CLCA4: variants seen among roughly 807,000 people sequenced by gnomAD.
CLCA4 encodes the protein chloride channel accessory 4, also known as calcium-activated chloride channel regulator 4.
A neutral mutation model predicts 78.9 loss-of-function variants in CLCA4; 69 were observed. The ratio of observed to expected loss-of-function variants is 0.87; its 90% CI spans 0.72 to 1.07. The LOEUF is 1.07. Among genes scored for constraint, CLCA4 ranks in the 50% least tolerant of loss-of-function variants. The pLI, the probability that CLCA4 is intolerant of heterozygous loss-of-function variation, is 0.00. For missense variants in CLCA4, 1,133 were observed against 1,095.8 expected (o/e 1.03, Z -0.48); for synonymous variants, 362 against 375.8 (o/e 0.96, Z 0.42).
At chr1:86,575,082 A>C (rs187996865) in intron 10 of CLCA4, among the ~76,000 whole-genome samples, 166 of 152,174 alleles carry the variant, frequency 1.1e-3, no homozygotes, top group African/African-American at 3.8e-3. Flanking sequence ...GTGGACTCTA[A>C]GGCCAAAACC....
chr1:86,551,846 A>T (rs1649673781), intron 1 of CLCA4, among the ~76,000 whole-genome samples: 1 of 152,150 alleles, frequency 6.6e-6, no homozygotes, highest in Non-Finnish European at 1.5e-5. Context: ...AATTCTCCAT[A>T]ATTTATGCTC....
intron 1 of CLCA4, 152 bp from the exon 2 acceptor site, chr1:86,559,780 G>A (rs1306141540): frequency 7.8e-6 from 5 of 644,058 alleles, no homozygotes; most frequent in Non-Finnish European, 1.4e-5. Context: ...GGGTTGACAG[G>A]TGGCAGAGTT....
In CLCA4 at chr1:86,579,365, G is replaced by A. The variant is rs748816785; in HGVS notation, c.2134G>A (p.Ala712Thr). The A allele has an allele frequency of 3.1e-6, 5 of 1,612,790 alleles. No homozygotes were observed. In the South Asian group the frequency reaches 5.5e-5, roughly 18 times the overall value. Reference sequence around the variant, plus strand: ...AATGTTTAATGCAGGGGAAATTGAAGCAAACCCGCCAAGACCTGAAATTGA... The same window carrying A: ...AATGTTTAATGCAGGGGAAATTGAAACAAACCCGCCAAGACCTGAAATTGA... ...PGWVVNGEIE[A>T]NPPRPEIDED... The change falls in exon 13 of 14, where the codon GCA becomes ACA. Residue 712 changes from alanine to threonine, a missense_variant. Physicochemically the swap from Ala to Thr is moderately conservative, Grantham distance 58. Coordinates refer to ENST00000370563, the MANE Select transcript of CLCA4 (RefSeq NM_012128.4).
chr1:86,549,555 T>G (rs558580057), intron 1 of CLCA4, among the ~76,000 whole-genome samples: 4 of 152,202 alleles, frequency 2.6e-5, no homozygotes, highest in South Asian at 2.1e-4. Context: ...GGCAGCTTAC[T>G]GGTGTAGAAG....
intron 10 of CLCA4, 141 bp downstream of exon 10, chr1:86,574,896 C>A: frequency 1.5e-6 from 1 of 650,886 alleles, no homozygotes; most frequent in Non-Finnish European, 2.6e-6. Flanking sequence ...ATGCCTGTGT[C>A]CTTAAAACTA....
chr1:86,566,677 T>C (rs1650198384), intron 6 of CLCA4, among the ~76,000 whole-genome samples: 1 of 151,920 alleles, frequency 6.6e-6, no homozygotes, highest in African/African-American at 2.4e-5. Flanking sequence ...GATGTAGAAG[T>C]TTCTCATTGT....
intron 3 of CLCA4, 110 bp downstream of exon 3, chr1:86,560,468 T>A: frequency 9.3e-7 from 1 of 1,073,616 alleles, no homozygotes; most frequent in Middle Eastern, 2.1e-4. Flanking sequence ...AAATCCTGGC[T>A]CCCCTACTTA....
rs559170594 is a variant in CLCA4 at position 86,551,109 on chromosome 1, T to G, written c.159+3831T>G. Among the ~76,000 whole-genome samples the G allele has an allele frequency of 2.5e-4, 38 of 152,108 alleles. No homozygotes were observed. In the South Asian group the frequency reaches 4.4e-3, roughly 17 times the overall value. On this transcript the variant is annotated intron_variant, in intron 1 of 13. Coordinates refer to ENST00000370563, the MANE Select transcript of CLCA4 (RefSeq NM_012128.4). ...GCCTCCCAAAGTGCTGGGATTACCGTCGTGAGCCACCGCACCCAGCCTCTT... is the reference window on the plus strand; with the variant it reads ...GCCTCCCAAAGTGCTGGGATTACCGGCGTGAGCCACCGCACCCAGCCTCTT...
At chr1:86,574,136 T>C (rs1400216698) in intron 9 of CLCA4, among the ~76,000 whole-genome samples, 1 of 152,078 alleles carries the variant, frequency 6.6e-6, no homozygotes. Context: ...CTACATTTCC[T>C]CTCTTCTCAG....
At chr1:86,554,927 T>G (rs1418408966) in intron 1 of CLCA4, among the ~76,000 whole-genome samples, 3 of 151,076 alleles carry the variant, frequency 2.0e-5, no homozygotes, top group African/African-American at 7.3e-5. Flanking sequence ...TCATGGTGGG[T>G]TTTTTTGTGT....
chr1:86,574,085 A>G (rs1336308979), intron 9 of CLCA4, among the ~76,000 whole-genome samples: 3 of 152,114 alleles, frequency 2.0e-5, no homozygotes, highest in Non-Finnish European at 2.9e-5. Flanking sequence ...ATCAACAAAA[A>G]GTTGAAATAC....
intron 8 of CLCA4, among the ~76,000 whole-genome samples, chr1:86,571,683 C>T (rs1184990301): frequency 4.0e-4 from 61 of 151,746 alleles, no homozygotes; most frequent in Admixed American, 1.3e-4. Flanking sequence ...CAATGCAAGG[C>T]GCATGGAGGG....
intron 7 of CLCA4, among the ~76,000 whole-genome samples, chr1:86,568,996 A>C (rs369473588): frequency 6.6e-6 from 1 of 152,112 alleles, no homozygotes; most frequent in South Asian, 2.1e-4. Flanking sequence ...AAAATAGGAT[A>C]ATTAAAGCTA....
At position 86,559,993 on chromosome 1, in the gene CLCA4, A is replaced by G; in HGVS notation, c.221A>G (p.Lys74Arg). 1 of 1,608,578 alleles carries G rather than the reference A, an allele frequency of 6.2e-7. No homozygotes were observed. Among genetic ancestry groups the G allele is most frequent in the Admixed American group, 1.7e-5 (1 of 59,160 alleles). Residue 74 changes from lysine to arginine, a missense_variant, in exon 2 of 14, where the codon AAA (lysine) becomes AGA (arginine). Lys to Arg is a conservative substitution (Grantham distance 26, BLOSUM62 2). Coordinates refer to ENST00000370563, the MANE Select transcript of CLCA4 (RefSeq NM_012128.4). ...FEATEKRFFF[K>R]NVSILIPENW... ...GCCACAGAAAAAAGATTTTTTTTCA[A>G]AAATGTATCTATATTAATTCCTGAG...
intron 1 of CLCA4, chr1:86,552,666 C>T (rs1255622544): frequency 5.6e-6 from 5 of 891,936 alleles, no homozygotes; most frequent in South Asian, 1.4e-5. Context: ...TCGCCCAGAT[C>T]GGACTTGCAG....
At chr1:86,553,524 C>G (rs1222709973) in intron 1 of CLCA4, among the ~76,000 whole-genome samples, 1 of 152,212 alleles carries the variant, frequency 6.6e-6, no homozygotes, top group Non-Finnish European at 1.5e-5. Context: ...ACGCCACCGC[C>G]GCTGCCGCCT....
chr1:86,574,203 G>T lies in CLCA4; in HGVS notation c.1468-337G>T, dbSNP rs535203301. Reference sequence around the variant, plus strand: ...TTGTTGAATATATTTACTGTCCAGTGCTACTCCCTCTATCTGTGTGAAAAA... The same window carrying T: ...TTGTTGAATATATTTACTGTCCAGTTCTACTCCCTCTATCTGTGTGAAAAA... On this transcript the variant is annotated intron_variant, in intron 9 of 13. Transcript: ENST00000370563. Among the ~76,000 whole-genome samples, 4 of 152,020 alleles carry T rather than the reference G, an allele frequency of 2.6e-5. No individual in the cohort carries two copies. In the South Asian group the frequency reaches 6.2e-4, roughly 24 times the overall value.
intron 1 of CLCA4, among the ~76,000 whole-genome samples, chr1:86,555,467 C>T (rs1649810720): frequency 6.6e-6 from 1 of 152,248 alleles, no homozygotes; most frequent in East Asian, 1.9e-4. Flanking sequence ...ATCTTTTCCC[C>T]ATTGCTTGTT....
chr1:86,575,629 A>G (rs1650492853), intron 11 of CLCA4, 30 bp downstream of exon 11: 1 of 1,596,120 alleles, frequency 6.3e-7, no homozygotes, highest in South Asian at 1.1e-5. Context: ...GAATAAGCCA[A>G]TATTTTCCTA....
Sources: gnomAD v4.1 joint callset for allele counts (sites outside exome capture counted in the v4.1 genomes callset) on GRCh38, gnomAD v4.1.1 for gene constraint, MANE v1.5 for transcripts, NCBI Gene and HGNC (gene_info 2026-07-23, HGNC 2026-07-21) for gene names.